Variants in CNTNAP2 observed in about 807,000 individuals in gnomAD.
CNTNAP2 encodes the protein contactin-associated protein-like 2.
A neutral mutation model predicts 155.2 loss-of-function variants in CNTNAP2; 98 were observed. The ratio of observed to expected loss-of-function variants is 0.63; its 90% CI spans 0.54 to 0.75. CNTNAP2 has a LOEUF of 0.75. CNTNAP2 is among the 30% of genes least tolerant of loss of function. The probability of loss-of-function intolerance (pLI) is 0.00; values close to 1 mark genes in which losing one functional copy is unlikely to be tolerated. For missense variants in CNTNAP2, 1,727 were observed against 1,688.1 expected (o/e 1.02, Z -0.40); for synonymous variants, 651 against 631.2 (o/e 1.03, Z -0.47).
At chr7:148,260,364 C>G (rs1881722) in intron 20 of CNTNAP2, among the ~76,000 whole-genome samples, 1 of 151,904 alleles carries the variant, frequency 6.6e-6, no homozygotes, top group Non-Finnish European at 1.5e-5. Context: ...ATCAAAGATA[C>G]GAGATCATAC....
chr7:147,291,839 C>T (rs1288095225), intron 8 of CNTNAP2, among the ~76,000 whole-genome samples: 1 of 152,070 alleles, frequency 6.6e-6, no homozygotes, highest in Admixed American at 6.6e-5. Flanking sequence ...AATTATATAT[C>T]ATGGTTTTGG....
intron 1 of CNTNAP2, among the ~76,000 whole-genome samples, chr7:146,485,518 T>C (rs1797042194): frequency 6.6e-6 from 1 of 152,248 alleles, no homozygotes; most frequent in Non-Finnish European, 1.5e-5. Context: ...GTCTGATTTC[T>C]GAACACATGC....
intron 21 of CNTNAP2, among the ~76,000 whole-genome samples, chr7:148,330,113 G>GTGGATGGATCGAA: frequency 1.4e-5 from 2 of 147,916 alleles, no homozygotes; most frequent in South Asian, 4.3e-4. Context: ...GATAGATGGA[G>GTGGATGGATCGAA]TGGATGGATG....
At chr7:148,353,810 T>G (rs1313284906) in intron 21 of CNTNAP2, among the ~76,000 whole-genome samples, 2 of 152,212 alleles carry the variant, frequency 1.3e-5, no homozygotes, top group African/African-American at 4.8e-5. Context: ...ATAAGTACAT[T>G]TTTGGGGTAC....
intron 8 of CNTNAP2, among the ~76,000 whole-genome samples, chr7:147,145,108 T>A (rs1801675134): frequency 1.3e-5 from 2 of 152,220 alleles, no homozygotes; most frequent in East Asian, 3.9e-4. Flanking sequence ...CTTTCATTCC[T>A]CTTCTCAAAC....
rs187184179 is a variant in CNTNAP2, at chr7:147,243,108, G to A, written c.1349-57033G>A. Among the ~76,000 whole-genome samples, 362 of 140,014 alleles carry A rather than the reference G, an allele frequency of 2.6e-3. 1 individual carries two copies. Among genetic ancestry groups the A allele is most frequent in the African/African-American group, 8.7e-3 (327 of 37,720 alleles). The allele number at this position is 140,014 out of a possible 152,430, so 91.9% of individuals were successfully genotyped here. On this transcript the variant is annotated intron_variant, in intron 8 of 23. Coordinates refer to ENST00000361727, the MANE Select transcript of CNTNAP2 (RefSeq NM_014141.6). Reference sequence around the variant, plus strand: ...CGTCTCCTGGTTTCAAGTGATTCCCGTGCCTCAGCCTCCCAAGAGCTGGGA... The same window carrying A: ...CGTCTCCTGGTTTCAAGTGATTCCCATGCCTCAGCCTCCCAAGAGCTGGGA...
intron 13 of CNTNAP2, among the ~76,000 whole-genome samples, chr7:147,841,353 A>C (rs1054857796): frequency 2.0e-5 from 3 of 152,150 alleles, no homozygotes; most frequent in Admixed American, 1.3e-4. Flanking sequence ...GTTTTCTTTC[A>C]GGCTTTTGTC....
At chr7:147,343,826 G>T (rs1795802258) in intron 9 of CNTNAP2, among the ~76,000 whole-genome samples, 2 of 151,906 alleles carry the variant, frequency 1.3e-5, no homozygotes, top group Non-Finnish European at 2.9e-5. Flanking sequence ...TGTGTCACTA[G>T]GACCACATAA....
intron 21 of CNTNAP2, among the ~76,000 whole-genome samples, chr7:148,356,170 CAT>C (rs894025188): frequency 4.2e-4 from 64 of 152,244 alleles, no homozygotes; most frequent in African/African-American, 1.4e-3. Flanking sequence ...GAAATCATCA[CAT>C]AGTTATTACT....
chr7:147,841,538 C>A (rs188769423), intron 13 of CNTNAP2, among the ~76,000 whole-genome samples: 17 of 152,060 alleles, frequency 1.1e-4, no homozygotes, highest in Non-Finnish European at 2.1e-4. Flanking sequence ...TTTTCATAGA[C>A]TCTGTTTTGC....
intron 1 of CNTNAP2, among the ~76,000 whole-genome samples, chr7:146,609,964 T>G (rs1799107608): frequency 6.6e-6 from 1 of 152,122 alleles, no homozygotes; most frequent in South Asian, 2.1e-4. Context: ...ACACAGCGAA[T>G]CAGAAACTCT....
At chr7:146,996,342 T>C (rs1446652875) in intron 3 of CNTNAP2, among the ~76,000 whole-genome samples, 1 of 152,144 alleles carries the variant, frequency 6.6e-6, no homozygotes, top group Non-Finnish European at 1.5e-5. Context: ...CTACTTTCAA[T>C]CTACGAACAT....
At chr7:147,028,204 A>G (rs1798959753) in intron 3 of CNTNAP2, among the ~76,000 whole-genome samples, 1 of 152,222 alleles carries the variant, frequency 6.6e-6, no homozygotes, top group Non-Finnish European at 1.5e-5. Context: ...TAAAACTAAT[A>G]AAGAAGGCTT....
Position 148,415,650 on chromosome 7 carries a change from G to C in CNTNAP2, c.*34G>C. 6.2e-7 allele frequency: 1 copy of C among 1,611,202 alleles called. No individual in the cohort carries two copies. ...TACTTGGCTATGGGATAGGGAGGAG[G>C]GAATTACTAGGGAGGAGAGAAAGGG... On this transcript the variant is annotated 3_prime_UTR_variant, in exon 24 of 24. Transcript: ENST00000361727.
intron 20 of CNTNAP2, among the ~76,000 whole-genome samples, chr7:148,256,418 C>A (rs376328686): frequency 7.6e-4 from 116 of 152,232 alleles, no homozygotes; most frequent in African/African-American, 2.4e-3. Context: ...TCCAAGAAGG[C>A]TTCCTAACTT....
intron 9 of CNTNAP2, among the ~76,000 whole-genome samples, chr7:147,326,033 C>T (rs759844901): frequency 1.3e-5 from 2 of 152,150 alleles, no homozygotes; most frequent in Non-Finnish European, 2.9e-5. Context: ...TGCCATTCTC[C>T]TGCCTCAGCC....
chr7:146,254,919 TAAATTGGAAAC>T (rs1180047446), intron 1 of CNTNAP2, among the ~76,000 whole-genome samples: 51 of 151,910 alleles, frequency 3.4e-4, no homozygotes, highest in Non-Finnish European at 4.4e-5. Context: ...ACAGACAACT[TAAATTGGAAAC>T]AAATTGGAAA....
chr7:146,179,941 G>T (rs930392091), intron 1 of CNTNAP2, among the ~76,000 whole-genome samples: 9 of 152,120 alleles, frequency 5.9e-5, no homozygotes, highest in Non-Finnish European at 1.3e-4. Context: ...ATTTTTAGTA[G>T]GAAAGTGTCA....
intron 20 of CNTNAP2, among the ~76,000 whole-genome samples, chr7:148,234,707 T>C (rs1796017191): frequency 6.6e-6 from 1 of 152,250 alleles, no homozygotes; most frequent in Non-Finnish European, 1.5e-5. Flanking sequence ...GGCCAAAGGC[T>C]GAGATGATGC....
Sources: allele counts gnomAD v4.1 joint callset (sites outside exome capture counted in the v4.1 genomes callset), GRCh38; gene constraint gnomAD v4.1.1; transcripts MANE v1.5; gene names NCBI Gene and HGNC (gene_info 2026-07-23, HGNC 2026-07-21).